The following GNAZ variants were observed in gnomAD, a reference collection of about 807,000 sequenced individuals.
GNAZ encodes the protein guanine nucleotide-binding protein G(z) subunit alpha.
A neutral mutation model predicts 25.4 loss-of-function variants in GNAZ; 3 were observed. The ratio of observed to expected loss-of-function variants is 0.12; its 90% CI spans 0.05 to 0.30. The LOEUF is 0.30. Among genes scored for constraint, GNAZ ranks in the 10% least tolerant of loss-of-function variants. The pLI is 1.00. For synonymous variants in GNAZ, 211 were observed against 205.7 expected (o/e 1.03, Z -0.22); for missense variants, 241 against 501.8 (o/e 0.48, Z 4.97).
rs763219933 is a variant in GNAZ, at chr22:23,096,355, A to G, written c.660A>G (p.Thr220=). The change falls in exon 2 of 3, where the codon ACA becomes ACG. Residue 220 remains threonine (T), a synonymous_variant. Transcript: ENST00000615612. ...GGATCCACTGCTTCGAGGGCGTCAC[A>G]GCCATCATCTTCTGTGTGGAGCTCA... is the stretch of plus-strand genomic sequence containing the variant. The part of the protein sequence containing the change: ...KKWIHCFEGV[T]AIIFCVELSG... 6.2e-7 allele frequency: 1 copy of G among 1,613,578 alleles called. No homozygotes were observed. Among genetic ancestry groups the G allele is most frequent in the Non-Finnish European group, 8.5e-7 (1 of 1,179,970 alleles).
At chr22:23,088,487 G>A (rs1002759452) in intron 1 of GNAZ, among the ~76,000 whole-genome samples, 8 of 152,336 alleles carry the variant, frequency 5.3e-5, no homozygotes, top group African/African-American at 4.8e-5. Context: ...GATAAAAGGC[G>A]TCTCAGCAAA....
chr22:23,075,857 G>C (rs974785645), intron 1 of GNAZ, among the ~76,000 whole-genome samples: 2 of 152,156 alleles, frequency 1.3e-5, no homozygotes, highest in African/African-American at 4.8e-5. Flanking sequence ...GTCTGCCCCT[G>C]TGAGTCACGG....
intron 2 of GNAZ, among the ~76,000 whole-genome samples, chr22:23,103,129 G>T (rs2069352316): frequency 6.6e-6 from 1 of 152,200 alleles, no homozygotes; most frequent in Non-Finnish European, 1.5e-5. Context: ...GGGCAGTGAG[G>T]GGCTAGAGCT....
At chr22:23,096,486 C>A in intron 2 of GNAZ, 68 bp downstream of exon 2, 7 of 1,498,206 alleles carry the variant, frequency 4.7e-6, no homozygotes, top group Non-Finnish European at 6.3e-6. Context: ...CAAGAGGACT[C>A]GTGAGGTCCA....
At chr22:23,093,216 G>A (rs1361831896) in intron 1 of GNAZ, among the ~76,000 whole-genome samples, 1 of 152,252 alleles carries the variant, frequency 6.6e-6, no homozygotes, top group Non-Finnish European at 1.5e-5. Context: ...GCCTCACTGG[G>A]ATTGGGCTGA....
At chr22:23,076,406 C>T (rs1310321116) in intron 1 of GNAZ, among the ~76,000 whole-genome samples, 2 of 152,208 alleles carry the variant, frequency 1.3e-5, no homozygotes, top group Non-Finnish European at 2.9e-5. Flanking sequence ...CCCTTTTGCC[C>T]TAGGGCTGAG....
intron 2 of GNAZ, among the ~76,000 whole-genome samples, chr22:23,104,678 T>TG (rs1480581345): frequency 6.6e-6 from 1 of 152,226 alleles, no homozygotes; most frequent in Non-Finnish European, 1.5e-5. Flanking sequence ...CTGGGGGCCT[T>TG]GCTGACTTGG....
At chr22:23,116,027 G>A (rs549834235) in intron 2 of GNAZ, among the ~76,000 whole-genome samples, 1 of 152,370 alleles carries the variant, frequency 6.6e-6, no homozygotes, top group East Asian at 1.9e-4. Flanking sequence ...CCCTGAGGCC[G>A]CTGGGGTCCC....
At chr22:23,079,473 A>T (rs2068611555) in intron 1 of GNAZ, among the ~76,000 whole-genome samples, 1 of 152,138 alleles carries the variant, frequency 6.6e-6, no homozygotes. Flanking sequence ...GAGGGGGAGC[A>T]TGGGCGTGGG....
chr22:23,081,852 G>A lies in GNAZ; in HGVS notation c.-450+11282G>A, dbSNP rs183316261. On this transcript the variant is annotated intron_variant, in intron 1 of 2. Transcript: ENST00000615612. ...AAAAAAAAAAAAAAAAAGGCCAGGCGCAGTGGCTCACGCCTGTAATCCCAG... is the reference window on the plus strand; with the variant it reads ...AAAAAAAAAAAAAAAAAGGCCAGGCACAGTGGCTCACGCCTGTAATCCCAG... Among the ~76,000 whole-genome samples the A allele has an allele frequency of 2.3e-3, 329 of 141,788 alleles. 6 individuals are homozygous for A. Among genetic ancestry groups the A allele is most frequent in the Admixed American group, 7.3e-3 (102 of 14,034 alleles). The allele number at this position is 141,788 out of a possible 152,430, so 93.0% of individuals were successfully genotyped here. A position where few individuals can be genotyped will look rare whatever the true frequency, so the allele number is the denominator to read the frequency against.
intron 2 of GNAZ, among the ~76,000 whole-genome samples, chr22:23,107,693 G>T (rs959436382): frequency 6.6e-6 from 1 of 152,178 alleles, no homozygotes; most frequent in Non-Finnish European, 1.5e-5. Flanking sequence ...CAGTGGAGTC[G>T]GGTCCTGGGC....
intron 2 of GNAZ, among the ~76,000 whole-genome samples, chr22:23,114,822 C>T (rs545645190): frequency 6.6e-6 from 1 of 152,346 alleles, no homozygotes; most frequent in Admixed American, 6.5e-5. Flanking sequence ...TGCCTGTCCT[C>T]ACCCACCTTG....
At chr22:23,115,384 G>A (rs539897827) in intron 2 of GNAZ, among the ~76,000 whole-genome samples, 14 of 152,272 alleles carry the variant, frequency 9.2e-5, no homozygotes, top group African/African-American at 2.6e-4. Context: ...GGGAGGTGAC[G>A]GTCCCACCAT....
intron 2 of GNAZ, among the ~76,000 whole-genome samples, chr22:23,100,696 A>G (rs1297476511): frequency 6.6e-6 from 1 of 152,226 alleles, no homozygotes; most frequent in African/African-American, 2.4e-5. Flanking sequence ...AGGGCCTGGC[A>G]CACAGTGGGT....
chr22:23,079,121 T>C (rs2146264739), intron 1 of GNAZ, among the ~76,000 whole-genome samples: 1 of 152,242 alleles, frequency 6.6e-6, no homozygotes, highest in South Asian at 2.1e-4. Flanking sequence ...AGACCAACAG[T>C]CCCTGCCCTA....
intron 2 of GNAZ, among the ~76,000 whole-genome samples, chr22:23,098,582 C>A (rs761196416): frequency 2.6e-5 from 4 of 152,246 alleles, no homozygotes; most frequent in Admixed American, 6.5e-5. Flanking sequence ...CAGGCTGGCA[C>A]ACCCACCACC....
chr22:23,122,810 A>G (rs1182867925), intron 2 of GNAZ: 2 of 513,808 alleles, frequency 3.9e-6, no homozygotes, highest in Non-Finnish European at 7.0e-6. Context: ...CCCCAAAGCT[A>G]TATGTTGAGA....
chr22:23,093,060 C>CA (rs1412684973), intron 1 of GNAZ, among the ~76,000 whole-genome samples: 1 of 152,216 alleles, frequency 6.6e-6, no homozygotes, highest in East Asian at 1.9e-4. Context: ...AGGGAGCAGC[C>CA]ACAGGGTCTC....
intron 1 of GNAZ, among the ~76,000 whole-genome samples, chr22:23,084,500 G>A (rs1429225627): frequency 6.6e-6 from 1 of 152,186 alleles, no homozygotes; most frequent in African/African-American, 2.4e-5. Flanking sequence ...CCTAAGTCAA[G>A]GAGCATCTGT....
Sources: gnomAD v4.1 joint callset for allele counts (sites outside exome capture counted in the v4.1 genomes callset) on GRCh38, gnomAD v4.1.1 for gene constraint, MANE v1.5 for transcripts, NCBI Gene and HGNC (gene_info 2026-07-23, HGNC 2026-07-21) for gene names.